Variants in FERMT1 observed in about 807,000 individuals in gnomAD.
FERMT1 encodes the protein FERM domain containing kindlin 1, also known as fermitin family homolog 1.
A neutral mutation model predicts 85.3 loss-of-function variants in FERMT1; 60 were observed. The observed-to-expected ratio is 0.70, with a 90% CI of 0.57 to 0.87. The LOEUF (loss-of-function observed/expected upper bound fraction) is 0.87. Among genes scored for constraint, FERMT1 ranks in the 40% least tolerant of loss-of-function variants. FERMT1 has a pLI of 0.00. For missense variants in FERMT1, 701 were observed against 818.9 expected (o/e 0.86, Z 1.76); for synonymous variants, 275 against 301.1 (o/e 0.91, Z 0.90).
intron 4 of FERMT1, 81 bp downstream of exon 4, chr20:6,112,396 G>T: frequency 7.4e-7 from 1 of 1,352,580 alleles, no homozygotes; most frequent in Non-Finnish European, 1.1e-6. Flanking sequence ...CCTTTGTTTG[G>T]TGGGGGTGGG....
intron 3 of FERMT1, among the ~76,000 whole-genome samples, chr20:6,115,318 C>T (rs1268566999): frequency 6.6e-6 from 1 of 152,108 alleles, no homozygotes; most frequent in Non-Finnish European, 1.5e-5. Context: ...GGTTTAAATT[C>T]ACAATTAAGT....
At position 6,110,308 on chromosome 20, in the gene FERMT1, G is replaced by A. The variant is rs748202247; in HGVS notation, c.736C>T (p.Leu246Phe). 3 of 1,612,370 alleles carry A rather than the reference G, an allele frequency of 1.9e-6. No individual in the cohort carries two copies. The highest frequency in any genetic ancestry group is 2.5e-6 in the Non-Finnish European group (3 of 1,179,524). Reference sequence around the variant, plus strand: ...GAGCCGTGTCCTTACCCTGCATTGAGCTTGGCTTTATCAACCAGAGACCGA... The same window carrying A: ...GAGCCGTGTCCTTACCCTGCATTGAACTTGGCTTTATCAACCAGAGACCGA... Reference protein sequence around the residue: ...QPRSLVDKAKLNAGWLDSSRS... With the variant: ...QPRSLVDKAKFNAGWLDSSRS... The change falls in exon 5 of 15, where the codon CTC (leucine) becomes TTC (phenylalanine). Residue 246 changes from leucine to phenylalanine, a missense_variant. Physicochemically the swap from Leu to Phe is conservative, Grantham distance 22. Transcript: ENST00000217289.
chr20:6,097,077 G>A, intron 7 of FERMT1, 44 bp from the exon 8 acceptor site: 2 of 1,584,604 alleles, frequency 1.3e-6, no homozygotes, highest in Non-Finnish European at 1.7e-6. Context: ...AAACAGAAAT[G>A]TTATAAATAT....
chr20:6,112,367 G>A (rs1454674349), intron 4 of FERMT1, 110 bp downstream of exon 4: 54 of 1,121,140 alleles, frequency 4.8e-5, no homozygotes, highest in Non-Finnish European at 7.3e-5. Flanking sequence ...CATCACATCA[G>A]TTCTGCAATT....
At chr20:6,110,265 C>G in intron 5 of FERMT1, 33 bp downstream of exon 5, 2 of 1,554,682 alleles carry the variant, frequency 1.3e-6, no homozygotes, top group Non-Finnish European at 1.8e-6. Context: ...TCGGCACTAG[C>G]TCAGAGAGAA....
chr20:6,109,928 G>A (rs1982899656), intron 5 of FERMT1, among the ~76,000 whole-genome samples: 1 of 150,940 alleles, frequency 6.6e-6, no homozygotes, highest in African/African-American at 2.4e-5. Context: ...AGAGAAGAGT[G>A]ACATTCTACA....
intron 13 of FERMT1, among the ~76,000 whole-genome samples, chr20:6,083,707 A>C (rs116916470): frequency 0.32 from 39,373 of 124,572 alleles, 6,264 homozygotes; most frequent in East Asian, 0.59. Context: ...AAAAAAAAAC[A>C]AAAAAAAAAA....
rs922296010 is a variant in FERMT1 at position 6,077,435 on chromosome 20, G to A, written c.1861-89C>T. On this transcript the variant is annotated intron_variant, in intron 14 of 14. Coordinates refer to ENST00000217289, the MANE Select transcript of FERMT1 (RefSeq NM_017671.5). Reference sequence around the variant, plus strand: ...TGCTGGACTGGCCCCTGGAGCTGAGGGCTGCTGAGGTGGATAACAGATGGA... The same window carrying A: ...TGCTGGACTGGCCCCTGGAGCTGAGAGCTGCTGAGGTGGATAACAGATGGA... 30 of 1,294,064 alleles carry A rather than the reference G, an allele frequency of 2.3e-5. No homozygotes were observed. In the African/African-American group the frequency reaches 3.5e-4, roughly 15 times the overall value. The allele number at this position is 1,294,064 out of a possible 1,614,324, so 80.2% of individuals were successfully genotyped here.
At chr20:6,097,809 T>C (rs1982551219) in intron 6 of FERMT1, among the ~76,000 whole-genome samples, 178 bp from the exon 7 acceptor site, 1 of 152,056 alleles carries the variant, frequency 6.6e-6, no homozygotes, top group South Asian at 2.1e-4. Flanking sequence ...TAAAGTTTTT[T>C]TTTTTTTAAT....
chr20:6,102,317 A>G (rs1380411484), intron 6 of FERMT1, among the ~76,000 whole-genome samples: 7 of 151,964 alleles, frequency 4.6e-5, no homozygotes, highest in Non-Finnish European at 1.0e-4. Flanking sequence ...CCAGTGACTT[A>G]GAAACAAATT....
Position 6,110,432 on chromosome 20 carries a change from A to G in FERMT1, c.612T>C (p.Thr204=). Residue 204 remains threonine (T), a synonymous_variant, in exon 5 of 15, where the codon ACT becomes ACC. Coordinates refer to ENST00000217289, the MANE Select transcript of FERMT1 (RefSeq NM_017671.5). The stretch of plus-strand genomic sequence containing the variant: ...CCGTCAAAGGGCTGTCACTGAACCA[A>G]GTCATGGTGGATGATGCTGGTGTTC... ...INGTPASSTM[T]WFSDSPLTEQ... is the part of the protein sequence containing the mutation. 6.2e-7 allele frequency: 1 copy of G among 1,614,066 alleles called. No individual in the cohort carries two copies.
Position 6,084,037 on chromosome 20 carries a change from C to T in FERMT1, c.1718+3G>A, listed in dbSNP as rs1982088900. 6.2e-7 allele frequency: 1 copy of T among 1,614,158 alleles called. No homozygotes were observed. ...GTGAGAAACAAGTGAACATTGTAAT[C>T]ACCTGACAAGGTAGTAGGTGAGGCC... is the stretch of plus-strand genomic sequence containing the variant. On this transcript the variant is annotated splice_donor_region_variant and intron_variant, in intron 13 of 14. Transcript: ENST00000217289.
intron 9 of FERMT1, among the ~76,000 whole-genome samples, chr20:6,092,269 G>T (rs944184753): frequency 1.3e-5 from 2 of 152,132 alleles, no homozygotes; most frequent in Non-Finnish European, 1.5e-5. Context: ...TCTAGGCTGG[G>T]CATGGTGGCT....
In FERMT1 at chr20:6,104,407, T is replaced by C. The variant is rs1019415803; in HGVS notation, c.849+3125A>G. Among the ~76,000 whole-genome samples the C allele has an allele frequency of 2.0e-5, 3 of 152,212 alleles. No homozygotes were observed. Among genetic ancestry groups the C allele is most frequent in the African/African-American group, 7.2e-5 (3 of 41,444 alleles). On this transcript the variant is annotated intron_variant, in intron 6 of 14. Transcript: ENST00000217289. This position sits in a 1 kb window ranked among gnomAD's most constrained non-coding sequence, Gnocchi z 4.2. ...TTGTAGCTGCCACGAGAACACAAAT[T>C]ACATCTAAAATTTCTATATCCCTCT...
At position 6,077,204 on chromosome 20, in the gene FERMT1, A is replaced by C. The variant is rs1405303022; in HGVS notation, c.2003T>G (p.Leu668Trp). 1 of 1,614,084 alleles carries C rather than the reference A, an allele frequency of 6.2e-7. No homozygotes were observed. The highest frequency in any genetic ancestry group is 1.3e-5 in the African/African-American group (1 of 74,942). The change falls in exon 15 of 15, where the codon TTG (leucine) becomes TGG (tryptophan). Residue 668 changes from leucine (L) to tryptophan (W), a missense_variant. By Grantham distance (61) the Leu-to-Trp change is moderately conservative (BLOSUM62 -2). Coordinates refer to ENST00000217289, the MANE Select transcript of FERMT1 (RefSeq NM_017671.5). ...CTGACCGCCGGTCAATTTGTGGAAC[A>C]AGTCCTCATCGAGTGTTTCATTCTG... ...KDQNETLDED[L>W]FHKLTGGQD
chr20:6,114,087 G>A lies in FERMT1; in HGVS notation c.386-1464C>T, dbSNP rs558800134. On this transcript the variant is annotated intron_variant, in intron 3 of 14. Coordinates refer to ENST00000217289, the MANE Select transcript of FERMT1 (RefSeq NM_017671.5). ...TTCCATTAAGTTCTCTCATCATTTC[G>A]TTCATATACTGCTCAGTGTTGAGAC... 5.6e-4 allele frequency among the ~76,000 whole-genome samples: 85 copies of A among 152,206 alleles called. 1 individual carries two copies. The highest frequency in any genetic ancestry group is 1.9e-3 in the African/African-American group (80 of 41,526).
intron 6 of FERMT1, among the ~76,000 whole-genome samples, chr20:6,103,405 A>G (rs1288538361): frequency 6.6e-6 from 1 of 152,234 alleles, no homozygotes; most frequent in Non-Finnish European, 1.5e-5. Context: ...GTCAGTTTGC[A>G]TGTGTGAGTA....
intron 3 of FERMT1, among the ~76,000 whole-genome samples, chr20:6,114,731 G>T (rs1185968956): frequency 6.6e-6 from 1 of 152,156 alleles, no homozygotes; most frequent in Admixed American, 6.5e-5. Context: ...AGATGCTCAG[G>T]AAACGGTTTC....
Position 6,077,057 on chromosome 20 carries a change from G to GT in FERMT1, c.*115dup. The GT allele has an allele frequency of 9.7e-7, 1 of 1,033,052 alleles. No homozygotes were observed. The highest frequency in any genetic ancestry group is 1.5e-6 in the Non-Finnish European group (1 of 657,596). The allele number at this position is 1,033,052 out of a possible 1,614,324, so 64.0% of individuals were successfully genotyped here. A position where few individuals can be genotyped will look rare whatever the true frequency, so the allele number is the denominator to read the frequency against. On this transcript the variant is annotated 3_prime_UTR_variant, in exon 15 of 15. Coordinates refer to ENST00000217289, the MANE Select transcript of FERMT1 (RefSeq NM_017671.5). ...TGAATGAGGATCTGGGTGACCAGCG[G>GT]TGAATGTATGTTGTCTGTTAGTCCA...
Sources: gnomAD v4.1 joint callset for allele counts (sites outside exome capture counted in the v4.1 genomes callset) on GRCh38, gnomAD v4.1.1 for gene constraint, Gnocchi (gnomAD v3.1) non-coding constraint, MANE v1.5 for transcripts, NCBI Gene and HGNC (gene_info 2026-07-23, HGNC 2026-07-21) for gene names.